INPP4B: variants seen among roughly 807,000 people sequenced by gnomAD.
INPP4B encodes inositol polyphosphate 4-phosphatase type II.
Under a neutral mutation model 122.5 loss-of-function variants are expected in INPP4B, and 55 were observed. The ratio of observed to expected loss-of-function variants is 0.45; its 90% CI spans 0.36 to 0.56. INPP4B has a LOEUF of 0.56. INPP4B is among the 20% of genes least tolerant of loss of function. The pLI is 0.00. For missense variants in INPP4B, 1,000 were observed against 1,097.7 expected (o/e 0.91, Z 1.26); for synonymous variants, 403 against 388.7 (o/e 1.04, Z -0.43).
At position 142,157,692 on chromosome 4, in the gene INPP4B, G is replaced by C. The variant is rs115914014; in HGVS notation, c.1563+2666C>G. 3.7e-3 allele frequency among the ~76,000 whole-genome samples: 565 copies of C among 152,158 alleles called. 4 individuals are homozygous for C. The highest frequency in any genetic ancestry group is 0.013 in the African/African-American group (546 of 41,548). ...GACTTTTTTCCTGGTGTTAAGACTA[G>C]AAAATATTCCCAAAAGAATAATGAA... On this transcript the variant is annotated intron_variant, in intron 17 of 25. Coordinates refer to ENST00000262992, the MANE Select transcript of INPP4B (RefSeq NM_001101669.3).
intron 2 of INPP4B, among the ~76,000 whole-genome samples, chr4:142,593,168 G>C (rs1442421601): frequency 6.6e-6 from 1 of 151,852 alleles, no homozygotes; most frequent in Non-Finnish European, 1.5e-5. Context: ...GGAAAAACTA[G>C]TCTGCATCAT....
intron 18 of INPP4B, 46 bp downstream of exon 18, chr4:142,145,794 A>G: frequency 6.3e-7 from 1 of 1,575,418 alleles, no homozygotes; most frequent in Non-Finnish European, 8.7e-7. Context: ...CGAGTTTCTC[A>G]TTTTGTTTAC....
chr4:142,206,866 A>T (rs975058555), intron 14 of INPP4B, among the ~76,000 whole-genome samples: 22 of 152,096 alleles, frequency 1.4e-4, no homozygotes, highest in Non-Finnish European at 2.8e-4. Context: ...TAGTACTGTG[A>T]ACTATAGACA....
At chr4:142,668,250 G>T (rs748735070) in intron 2 of INPP4B, among the ~76,000 whole-genome samples, 2 of 152,058 alleles carry the variant, frequency 1.3e-5, no homozygotes, top group Non-Finnish European at 2.9e-5. Flanking sequence ...ACAGAATGAA[G>T]TACAAAACAT....
chr4:142,464,211 G>T (rs1817287082), intron 2 of INPP4B, among the ~76,000 whole-genome samples: 2 of 152,036 alleles, frequency 1.3e-5, no homozygotes, highest in South Asian at 4.2e-4. Context: ...GTATAAAAAT[G>T]TTACCTGGTT....
At chr4:142,479,823 G>A (rs1580171273) in intron 2 of INPP4B, among the ~76,000 whole-genome samples, 1 of 152,040 alleles carries the variant, frequency 6.6e-6, no homozygotes, top group African/African-American at 2.4e-5. Flanking sequence ...GAGGGTGGGA[G>A]GAGGGAGAGG....
chr4:142,046,260 T>C (rs1167481156), intron 25 of INPP4B, among the ~76,000 whole-genome samples: 3 of 152,162 alleles, frequency 2.0e-5, no homozygotes, highest in Non-Finnish European at 2.9e-5. Flanking sequence ...GGAATGCCAA[T>C]TGAATTTTAG....
At chr4:142,342,492 A>T (rs925390907) in intron 7 of INPP4B, among the ~76,000 whole-genome samples, 1 of 152,056 alleles carries the variant, frequency 6.6e-6, no homozygotes, top group Non-Finnish European at 1.5e-5. Flanking sequence ...CCAATCTCTC[A>T]ACTCTTAGGT....
chr4:142,131,771 T>C (rs1022177810), intron 18 of INPP4B, among the ~76,000 whole-genome samples: 1 of 152,050 alleles, frequency 6.6e-6, no homozygotes, highest in African/African-American at 2.4e-5. Flanking sequence ...GCCTGACCAA[T>C]GTGGAGAAAC....
rs145245351 is a variant in INPP4B at position 142,367,765 on chromosome 4, G to C, written c.372+35173C>G. ...TGCCAGGTTCATAGTTCTGACACTA[G>C]AATAAGGTTAGAGATCTACCTCTGC... On this transcript the variant is annotated intron_variant, in intron 7 of 25. Coordinates refer to ENST00000262992, the MANE Select transcript of INPP4B (RefSeq NM_001101669.3). 5.5e-3 allele frequency among the ~76,000 whole-genome samples: 830 copies of C among 152,258 alleles called. 12 individuals carry two copies. Among genetic ancestry groups the C allele is most frequent in the African/African-American group, 0.018 (751 of 41,550 alleles).
At chr4:142,208,838 C>A in intron 13 of INPP4B, 58 bp downstream of exon 13, 3 of 1,235,598 alleles carry the variant, frequency 2.4e-6, no homozygotes, top group Non-Finnish European at 1.1e-6. Context: ...TTTTTTTTTT[C>A]ATTTCACATG....
intron 18 of INPP4B, among the ~76,000 whole-genome samples, chr4:142,128,670 T>A (rs1189128419): frequency 6.6e-6 from 1 of 152,136 alleles, no homozygotes; most frequent in Non-Finnish European, 1.5e-5. Flanking sequence ...CTTTGTGAAG[T>A]GTGTTGGGAG....
At chr4:142,411,337 T>G (rs1380958304) in intron 5 of INPP4B, among the ~76,000 whole-genome samples, 1 of 152,226 alleles carries the variant, frequency 6.6e-6, no homozygotes, top group Non-Finnish European at 1.5e-5. Context: ...GTTGCTTCTC[T>G]GCTCTGTACA....
intron 1 of INPP4B, among the ~76,000 whole-genome samples, chr4:142,804,956 C>G (rs868858846): frequency 2.4e-4 from 36 of 152,142 alleles, no homozygotes; most frequent in African/African-American, 8.0e-4. Flanking sequence ...CATGAGTCAC[C>G]ATGCTCGCCT....
intron 14 of INPP4B, among the ~76,000 whole-genome samples, chr4:142,200,425 G>T (rs1840152468): frequency 6.6e-6 from 1 of 151,856 alleles, no homozygotes; most frequent in African/African-American, 2.4e-5. Context: ...AAGCACTGAG[G>T]ACTAGTTATG....
chr4:142,620,671 T>A (rs906787051), intron 2 of INPP4B, among the ~76,000 whole-genome samples: 2 of 151,922 alleles, frequency 1.3e-5, no homozygotes, highest in African/African-American at 2.4e-5. Flanking sequence ...GTTAAAAAAA[T>A]AAAGATATGA....
At chr4:142,695,509 G>C (rs1249798189) in intron 2 of INPP4B, among the ~76,000 whole-genome samples, 1 of 152,118 alleles carries the variant, frequency 6.6e-6, no homozygotes, top group African/African-American at 2.4e-5. Flanking sequence ...GCAAAGGATA[G>C]AATGTAATGC....
At chr4:142,462,158 A>G (rs1179802765) in intron 3 of INPP4B, among the ~76,000 whole-genome samples, 1 of 152,018 alleles carries the variant, frequency 6.6e-6, no homozygotes, top group South Asian at 2.1e-4. Flanking sequence ...GTTAAATGTC[A>G]TCTTCCAGAG....
chr4:142,178,420 T>C (rs915678776), intron 15 of INPP4B, among the ~76,000 whole-genome samples: 1 of 152,164 alleles, frequency 6.6e-6, no homozygotes, highest in Non-Finnish European at 1.5e-5. Flanking sequence ...CCTTGACTTA[T>C]GGTTAGGGTT....
Sources: allele counts gnomAD v4.1 joint callset (sites outside exome capture counted in the v4.1 genomes callset), GRCh38; gene constraint gnomAD v4.1.1; transcripts MANE v1.5; gene names NCBI Gene and HGNC (gene_info 2026-07-23, HGNC 2026-07-21).